The following NSFL1C variants were observed in gnomAD, a reference collection of about 807,000 sequenced individuals.
NSFL1C encodes the protein NSFL1 cofactor.
NSFL1C carries 14 observed loss-of-function variants against 43.1 expected under a neutral mutation model. That is an observed-to-expected ratio of 0.32 (90% CI 0.21 to 0.51). The LOEUF (loss-of-function observed/expected upper bound fraction) is 0.51, where lower values mean the gene tolerates loss of function less well. Among genes scored for constraint, NSFL1C ranks in the 20% least tolerant of loss-of-function variants. The pLI, the probability that NSFL1C is intolerant of heterozygous loss-of-function variation, is 0.98. For missense variants in NSFL1C, 406 were observed against 472.5 expected (o/e 0.86, Z 1.30); for synonymous variants, 171 against 183.5 (o/e 0.93, Z 0.55).
chr20:1,466,661 C>T, intron 1 of NSFL1C, 59 bp downstream of exon 1: 7 of 1,477,412 alleles, frequency 4.7e-6, no homozygotes, highest in Non-Finnish European at 6.4e-6. Flanking sequence ...CTTAAGGCAC[C>T]AGGCGCCCGC....
chr20:1,455,274 A>T (rs2090274214), intron 3 of NSFL1C, 142 bp from the exon 4 acceptor site: 1 of 928,700 alleles, frequency 1.1e-6, no homozygotes, highest in Non-Finnish European at 1.8e-6. Context: ...GAACACATGG[A>T]AGGAGGCAAG....
At chr20:1,462,622 C>T (rs150624523) in intron 2 of NSFL1C, among the ~76,000 whole-genome samples, 78 of 151,932 alleles carry the variant, frequency 5.1e-4, no homozygotes, top group African/African-American at 1.6e-3. Flanking sequence ...CCCGGGTTCA[C>T]GCCATTCTCC....
At chr20:1,459,706 G>C (rs1339484190) in intron 2 of NSFL1C, among the ~76,000 whole-genome samples, 1 of 152,176 alleles carries the variant, frequency 6.6e-6, no homozygotes, top group Non-Finnish European at 1.5e-5. Context: ...TGGCTCCTGA[G>C]AACAGTCTGC....
At chr20:1,451,359 A>G (rs185461443) in intron 7 of NSFL1C, among the ~76,000 whole-genome samples, 2 of 152,346 alleles carry the variant, frequency 1.3e-5, no homozygotes, top group East Asian at 3.9e-4. Context: ...TTGTTGGAAG[A>G]CCAAGCTTTG....
At position 1,442,644 on chromosome 20, in the gene NSFL1C, G is replaced by C. The variant is rs2122775923; in HGVS notation, c.*1105C>G. Reference sequence around the variant, plus strand: ...GTGGTGGAGGGTCTTTACCAGGCTAGGACTACTGCCTATGTTTCTGCAAGT... The same window carrying C: ...GTGGTGGAGGGTCTTTACCAGGCTACGACTACTGCCTATGTTTCTGCAAGT... On this transcript the variant is annotated 3_prime_UTR_variant, in exon 9 of 9. Coordinates refer to ENST00000216879, the MANE Select transcript of NSFL1C (RefSeq NM_016143.5). The C allele has an allele frequency of 6.6e-6, 1 of 152,264 alleles. No homozygotes were observed. Among genetic ancestry groups the C allele is most frequent in the East Asian group, 1.9e-4 (1 of 5,180 alleles). The allele number at this position is 152,264 out of a possible 1,614,324, so 9.4% of individuals were successfully genotyped here. A position where few individuals can be genotyped will look rare whatever the true frequency, so the allele number is the denominator to read the frequency against.
chr20:1,464,078 C>A (rs1047122816), intron 2 of NSFL1C: 1 of 444,924 alleles, frequency 2.2e-6, no homozygotes, highest in African/African-American at 2.0e-5. Flanking sequence ...CCTCATACTA[C>A]ATAAGTAAAA....
chr20:1,460,022 C>T (rs1052849252), intron 2 of NSFL1C, among the ~76,000 whole-genome samples: 1 of 152,158 alleles, frequency 6.6e-6, no homozygotes, highest in African/African-American at 2.4e-5. Context: ...TGATGGTATC[C>T]GACATTGATT....
intron 3 of NSFL1C, chr20:1,455,737 A>G (rs1205962223): frequency 2.6e-6 from 2 of 779,450 alleles, no homozygotes; most frequent in South Asian, 2.7e-5. Context: ...CAGAGCCGTG[A>G]GGTTCAAATC....
intron 1 of NSFL1C, among the ~76,000 whole-genome samples, chr20:1,464,753 C>T (rs2090476704): frequency 6.6e-6 from 1 of 152,202 alleles, no homozygotes; most frequent in Admixed American, 6.5e-5. Flanking sequence ...TCTGAGCATT[C>T]TACATACGTT....
At chr20:1,462,342 G>A (rs921487690) in intron 2 of NSFL1C, among the ~76,000 whole-genome samples, 2 of 152,138 alleles carry the variant, frequency 1.3e-5, no homozygotes, top group East Asian at 1.9e-4. Context: ...GACAAACCAT[G>A]CAACACACTG....
chr20:1,463,541 G>C (rs2090454953), intron 2 of NSFL1C: 1 of 152,248 alleles, frequency 6.6e-6, no homozygotes, highest in African/African-American at 2.4e-5. Flanking sequence ...TGCCTTTAGA[G>C]AGAAACATAA....
intron 5 of NSFL1C, 150 bp downstream of exon 5, chr20:1,454,063 C>T (rs1409478606): frequency 1.6e-5 from 10 of 633,828 alleles, no homozygotes; most frequent in South Asian, 3.8e-5. Context: ...TTCCAGTAAG[C>T]GTCTTTGTTC....
intron 5 of NSFL1C, 132 bp from the exon 6 acceptor site, chr20:1,453,272 A>C: frequency 3.2e-6 from 2 of 620,598 alleles, no homozygotes; most frequent in Non-Finnish European, 5.8e-6. Flanking sequence ...ACATATATAC[A>C]TGTGTGCACA....
intron 3 of NSFL1C, among the ~76,000 whole-genome samples, chr20:1,457,421 A>G (rs1378015201): frequency 1.3e-5 from 2 of 152,182 alleles, no homozygotes; most frequent in African/African-American, 2.4e-5. Context: ...CACCTCAAAT[A>G]CTCAAAATTT....
intron 7 of NSFL1C, among the ~76,000 whole-genome samples, chr20:1,447,704 G>A (rs558887619): frequency 4.6e-5 from 7 of 152,260 alleles, no homozygotes; most frequent in Admixed American, 6.5e-5. Flanking sequence ...GAACTATAAC[G>A]TTTTCAGGCA....
At position 1,453,140 on chromosome 20, in the gene NSFL1C, C is replaced by A; in HGVS notation, c.538G>T (p.Val180Phe). The change falls in exon 6 of 9, where the codon GTT becomes TTT. Residue 180 changes from valine to phenylalanine, a missense_variant and splice_region_variant. Physicochemically the swap from Val to Phe is conservative, Grantham distance 50 (BLOSUM62 -1). Transcript: ENST00000216879. ...GEKRQHSSQD[V>F]HVVLKLWKSG... ...TTCCAGAGTTTCAATACTACATGAA[C>A]CTGTGATGACAGGGAGTAAACAGTT... is the stretch of plus-strand genomic sequence containing the variant. 1.3e-6 allele frequency: 2 copies of A among 1,548,094 alleles called. No individual in the cohort carries two copies. The highest frequency in any genetic ancestry group is 1.8e-6 in the Non-Finnish European group (2 of 1,119,824).
chr20:1,445,632 C>T (rs1373456589), intron 8 of NSFL1C, 34 bp downstream of exon 8: 1 of 1,609,138 alleles, frequency 6.2e-7, no homozygotes, highest in East Asian at 2.2e-5. Flanking sequence ...AGAGGACACT[C>T]CTAGAATAAG....
chr20:1,445,625 G>C (rs572665151), intron 8 of NSFL1C, 41 bp downstream of exon 8: 2 of 1,604,434 alleles, frequency 1.2e-6, no homozygotes, highest in South Asian at 2.2e-5. Context: ...GAGGCCCAGA[G>C]GACACTCCTA....
rs1221897369 is a variant in NSFL1C at position 1,452,509 on chromosome 20, C to A, written c.769G>T (p.Gly257Cys). 6.2e-6 allele frequency: 10 copies of A among 1,614,132 alleles called. No homozygotes were observed. The highest frequency in any genetic ancestry group is 8.5e-6 in the Non-Finnish European group (10 of 1,179,996). The change falls in exon 7 of 9, where the codon GGT becomes TGT. Residue 257 changes from glycine to cysteine, a missense_variant. Physicochemically the swap from Gly to Cys is radical, Grantham distance 159. Transcript: ENST00000216879. Reference sequence around the variant, plus strand: ...GCCCCTTACCTGCCCAGTTTCTGACCCTCGCCAGTGAAGGCTTTGAAGGCT... The same window carrying A: ...GCCCCTTACCTGCCCAGTTTCTGACACTCGCCAGTGAAGGCTTTGAAGGCT... ...KGAFKAFTGE[G>C]QKLGSTAPQV...
Sources: gnomAD v4.1 joint callset for allele counts (sites outside exome capture counted in the v4.1 genomes callset) on GRCh38, gnomAD v4.1.1 for gene constraint, MANE v1.5 for transcripts, NCBI Gene and HGNC (gene_info 2026-07-23, HGNC 2026-07-21) for gene names.